Variants in OSBPL3 observed in about 807,000 individuals in gnomAD.
OSBPL3 encodes the protein oxysterol-binding protein-related protein 3.
A neutral mutation model predicts 120.1 loss-of-function variants in OSBPL3; 65 were observed. The ratio of observed to expected loss-of-function variants is 0.54; its 90% CI spans 0.44 to 0.67. OSBPL3 has a LOEUF of 0.67. OSBPL3 is among the 30% of genes least tolerant of loss of function. OSBPL3 has a pLI of 0.00. For missense variants in OSBPL3, 1,004 were observed against 1,082.1 expected, an observed-to-expected ratio of 0.93 and a Z score of 1.01; for synonymous variants, 416 against 402.6, an observed-to-expected ratio of 1.03 and a Z score of -0.40.
At chr7:24,847,839 C>A (rs1223139758) in intron 12 of OSBPL3, among the ~76,000 whole-genome samples, 1 of 152,164 alleles carries the variant, frequency 6.6e-6, no homozygotes, top group African/African-American at 2.4e-5. Flanking sequence ...GAGGGCCTGC[C>A]CAGGCCTAAG....
intron 12 of OSBPL3, among the ~76,000 whole-genome samples, chr7:24,848,207 G>A (rs1295688700): frequency 6.6e-6 from 1 of 152,172 alleles, no homozygotes. Flanking sequence ...TGTTTTCTCT[G>A]AGGACAGAAA....
chr7:24,890,189 CTT>C (rs1805140499), intron 2 of OSBPL3, among the ~76,000 whole-genome samples: 1 of 152,174 alleles, frequency 6.6e-6, no homozygotes, highest in African/African-American at 2.4e-5. Flanking sequence ...TTGAAAATGA[CTT>C]TAAACTGGTG....
At chr7:24,903,809 G>A (rs892594849) in intron 1 of OSBPL3, among the ~76,000 whole-genome samples, 2 of 151,864 alleles carry the variant, frequency 1.3e-5, no homozygotes, top group Admixed American at 1.3e-4. Context: ...CATCACTCAG[G>A]ACAGTGGGTT....
Position 24,849,288 on chromosome 7 carries a change from G to C in OSBPL3, c.1159-112C>G. ...AGAGCTTGATGAAACTCTTAGTGAC[G>C]TGGTCTGACAGCGCACTTTCTGGAC... On this transcript the variant is annotated intron_variant, in intron 11 of 22. Coordinates refer to ENST00000313367, the MANE Select transcript of OSBPL3 (RefSeq NM_015550.4). This position sits in a 1 kb window ranked among gnomAD's most constrained non-coding sequence, Gnocchi z 5.4. The C allele has an allele frequency of 1.3e-6, 1 of 748,564 alleles. No homozygotes were observed. Among genetic ancestry groups the C allele is most frequent in the Non-Finnish European group, 2.2e-6 (1 of 448,948 alleles). 46.4% of individuals were successfully genotyped at this position (748,564 alleles called of 1,614,324 possible). A position where few individuals can be genotyped will look rare whatever the true frequency, so the allele number is the denominator to read the frequency against.
chr7:24,863,184 G>A lies in OSBPL3; in HGVS notation c.870+16C>T. On this transcript the variant is annotated intron_variant, in intron 9 of 22. Transcript: ENST00000313367. This position sits in a 1 kb window ranked among gnomAD's most constrained non-coding sequence, Gnocchi z 5.8. ...GCCAATGAAGAAACCAGTCTGTCAG[G>A]GGAAGCAATGGTTACCTGCAGTGTT... The A allele has an allele frequency of 6.3e-7, 1 of 1,589,486 alleles. No individual in the cohort carries two copies. Among genetic ancestry groups the A allele is most frequent in the Admixed American group, 1.7e-5 (1 of 59,996 alleles).
chr7:24,979,106 G>A (rs955582838), intron 1 of OSBPL3, among the ~76,000 whole-genome samples: 1 of 152,120 alleles, frequency 6.6e-6, no homozygotes, highest in African/African-American at 2.4e-5. Flanking sequence ...CCTGACCACG[G>A]AATAAACAGA....
chr7:24,860,151 CAT>C (rs1800324919), intron 10 of OSBPL3, among the ~76,000 whole-genome samples: 2 of 152,200 alleles, frequency 1.3e-5, no homozygotes, highest in Admixed American at 1.3e-4. Context: ...AATTTTATCA[CAT>C]GTCCACATTC....
chr7:24,806,883 G>A lies in OSBPL3; in HGVS notation c.2337C>T (p.Tyr779=), dbSNP rs201166746. The change falls in exon 21 of 23, where the codon TAC becomes TAT. Residue 779 remains tyrosine (Y), a synonymous_variant. Coordinates refer to ENST00000313367, the MANE Select transcript of OSBPL3 (RefSeq NM_015550.4). This position sits in a 1 kb window ranked among gnomAD's most constrained non-coding sequence, Gnocchi z 5.2. ...VWRANPMPKG[Y]EQYYSFTQFA... ...ACTGTGTGAAGCTATAGTATTGCTC[G>A]TAGCCTTTCGGCATAGGATCTAAGA... 1.1e-4 allele frequency: 178 copies of A among 1,610,724 alleles called. 1 individual carries two copies. The East Asian group carries it at 2.4e-3, about 22-fold the overall frequency.
chr7:24,856,401 A>G (rs998256758), intron 10 of OSBPL3, among the ~76,000 whole-genome samples: 2 of 152,194 alleles, frequency 1.3e-5, no homozygotes, highest in African/African-American at 2.4e-5. Context: ...CTCACTATCA[A>G]TGTATCTCAA....
intron 10 of OSBPL3, among the ~76,000 whole-genome samples, chr7:24,858,711 G>C (rs534315350): frequency 1.3e-5 from 2 of 152,304 alleles, no homozygotes; most frequent in East Asian, 3.9e-4. Context: ...TTTTCACAAA[G>C]TGGGAAAGAC....
chr7:24,979,615 C>T (rs140748954), intron 1 of OSBPL3, among the ~76,000 whole-genome samples: 2,043 of 152,198 alleles, frequency 0.013, 50 homozygotes, highest in African/African-American at 0.046. Context: ...GCGCTCGGCT[C>T]CTCCTGGCGG....
intron 1 of OSBPL3, among the ~76,000 whole-genome samples, chr7:24,961,364 T>A (rs1227901651): frequency 6.6e-6 from 1 of 152,124 alleles, no homozygotes; most frequent in African/African-American, 2.4e-5. Context: ...AACCTTGAAA[T>A]TAACAAGAAG....
rs775973205 is a variant in OSBPL3 at position 24,892,449 on chromosome 7, A to G, written c.24T>C (p.Leu8=). Residue 8 remains leucine (L), a synonymous_variant, in exon 2 of 23, where the codon CTT becomes CTC. Transcript: ENST00000313367. ...GTGATACCAATTTTTGGGACACACC[A>G]AGGTTCTTCTCATCACTCATCATGG... is the stretch of plus-strand genomic sequence containing the variant. MMSDEKN[L]GVSQKLVSPS... is the part of the protein sequence containing the mutation. 1 of 1,613,814 alleles carries G rather than the reference A, an allele frequency of 6.2e-7. No homozygotes were observed. Among genetic ancestry groups the G allele is most frequent in the East Asian group, 2.2e-5 (1 of 44,888 alleles).
chr7:24,843,379 A>G (rs1463635091), intron 12 of OSBPL3, among the ~76,000 whole-genome samples: 5 of 152,356 alleles, frequency 3.3e-5, no homozygotes, highest in African/African-American at 1.2e-4. Flanking sequence ...CAATCAGAGT[A>G]GACAGGTAGT....
chr7:24,884,458 C>G (rs1464490121), intron 2 of OSBPL3, among the ~76,000 whole-genome samples: 3 of 152,142 alleles, frequency 2.0e-5, no homozygotes, highest in African/African-American at 7.2e-5. Context: ...TGTGAAGATG[C>G]TATCGGAGAG....
intron 13 of OSBPL3, among the ~76,000 whole-genome samples, chr7:24,841,717 A>AAGAAAAAAAAAG (rs1554358560): frequency 1.2e-5 from 1 of 82,792 alleles, no homozygotes; most frequent in African/African-American, 4.8e-5. Context: ...AAAAAAAAAA[A>AAGAAAAAAAAAG]AAAAGAGGCC....
Position 24,871,931 on chromosome 7 carries a change from G to GCACAGCTAAAT in OSBPL3, c.213+21_213+22insATTTAGCTGTG. 6.4e-7 allele frequency: 1 copy of GCACAGCTAAAT among 1,550,566 alleles called. No individual in the cohort carries two copies. Reference sequence around the variant, plus strand: ...TGGGGCAGTGTGAGTGCAAATAAAGGGGAGGCCAAGACCAACCTTACCTTA... The same window carrying GCACAGCTAAAT: ...TGGGGCAGTGTGAGTGCAAATAAAGGCACAGCTAAATGGAGGCCAAGACCAACCTTACCTTA... On this transcript the variant is annotated intron_variant, in intron 3 of 22. Transcript: ENST00000313367. The surrounding 1 kb of genome is among the most constrained non-coding windows in gnomAD (Gnocchi z 4.8).
At chr7:24,856,695 G>A (rs1463894876) in intron 10 of OSBPL3, among the ~76,000 whole-genome samples, 6 of 152,134 alleles carry the variant, frequency 3.9e-5, no homozygotes, top group East Asian at 1.9e-4. Flanking sequence ...TCTGAGGAGC[G>A]CTTTAAGCAA....
At chr7:24,904,645 T>C (rs1313278910) in intron 1 of OSBPL3, among the ~76,000 whole-genome samples, 2 of 152,112 alleles carry the variant, frequency 1.3e-5, no homozygotes, top group African/African-American at 2.4e-5. Context: ...CAGCTGTACA[T>C]ACAACAGAGT....
Sources: gnomAD v4.1 joint callset for allele counts (sites outside exome capture counted in the v4.1 genomes callset) on GRCh38, gnomAD v4.1.1 for gene constraint, Gnocchi (gnomAD v3.1) non-coding constraint, MANE v1.5 for transcripts, NCBI Gene and HGNC (gene_info 2026-07-23, HGNC 2026-07-21) for gene names.